Variants in FAM174A observed in about 807,000 individuals in gnomAD.
The protein encoded by FAM174A is family with sequence similarity 174 member A.
In FAM174A, 14 loss-of-function variants were observed where a neutral mutation model predicts 14.3. That is an observed-to-expected ratio of 0.98 (90% CI 0.65 to 1.53). The LOEUF is 1.53. FAM174A is among the 40% of genes most tolerant of loss of function. FAM174A has a pLI of 0.00. For missense variants in FAM174A, 241 were observed against 249.6 expected (o/e 0.97, Z 0.23); for synonymous variants, 108 against 111.4 (o/e 0.97, Z 0.19).
chr5:100,583,007 A>G (rs944706902), intron 2 of FAM174A, among the ~76,000 whole-genome samples: 1 of 152,228 alleles, frequency 6.6e-6, no homozygotes, highest in Non-Finnish European at 1.5e-5. Context: ...TATCATGAAC[A>G]GTCAATTAAC....
At chr5:100,537,993 C>T (rs1213994035) in intron 1 of FAM174A, among the ~76,000 whole-genome samples, 3 of 151,968 alleles carry the variant, frequency 2.0e-5, no homozygotes, top group African/African-American at 7.3e-5. Context: ...CAATATGATC[C>T]TATTGGATGA....
intron 1 of FAM174A, among the ~76,000 whole-genome samples, chr5:100,549,283 G>A (rs1465423836): frequency 6.6e-6 from 1 of 152,038 alleles, no homozygotes; most frequent in Non-Finnish European, 1.5e-5. Context: ...TAGAAATGGA[G>A]GTCAGAAGAA....
chr5:100,547,974 T>G (rs891154510), intron 1 of FAM174A, among the ~76,000 whole-genome samples: 3 of 152,042 alleles, frequency 2.0e-5, no homozygotes, highest in African/African-American at 7.2e-5. Context: ...AATATTCTGC[T>G]CTCACTCAAT....
intron 2 of FAM174A, among the ~76,000 whole-genome samples, chr5:100,571,515 T>A (rs959356208): frequency 1.3e-5 from 2 of 150,238 alleles, no homozygotes; most frequent in Non-Finnish European, 3.0e-5. Context: ...ACATAACTGC[T>A]TTTCCTTGTG....
At chr5:100,555,548 G>A (rs1238524185) in intron 1 of FAM174A, among the ~76,000 whole-genome samples, 1 of 152,000 alleles carries the variant, frequency 6.6e-6, no homozygotes, top group African/African-American at 2.4e-5. Flanking sequence ...CCCACCAACA[G>A]TGTAAAAGTG....
chr5:100,561,563 T>G (rs1039769694), intron 1 of FAM174A, among the ~76,000 whole-genome samples: 1 of 151,956 alleles, frequency 6.6e-6, no homozygotes, highest in Admixed American at 6.6e-5. Flanking sequence ...CATGGGACTT[T>G]AAAAAATACT....
rs1043527592 is a variant in FAM174A at position 100,549,789 on chromosome 5, A to G, written c.435-12265A>G. On this transcript the variant is annotated intron_variant, in intron 1 of 2. Coordinates refer to ENST00000312637, the MANE Select transcript of FAM174A (RefSeq NM_198507.3). ...AGGGTTTTTTTAAAAATATGAAAAAATGCTAAAGGAATTCAAAACTACAAT... is the reference window on the plus strand; with the variant it reads ...AGGGTTTTTTTAAAAATATGAAAAAGTGCTAAAGGAATTCAAAACTACAAT... 3.3e-5 allele frequency among the ~76,000 whole-genome samples: 5 copies of G among 152,084 alleles called. No homozygotes were observed. The South Asian group carries it at 6.2e-4, about 19-fold the overall frequency.
chr5:100,548,010 G>A (rs570276727), intron 1 of FAM174A, among the ~76,000 whole-genome samples: 2 of 152,126 alleles, frequency 1.3e-5, no homozygotes, highest in East Asian at 3.9e-4. Context: ...AAGGAGGGAA[G>A]GGACTATGAA....
chr5:100,584,694 G>C (rs1747092290), intron 2 of FAM174A, among the ~76,000 whole-genome samples: 1 of 152,048 alleles, frequency 6.6e-6, no homozygotes, highest in South Asian at 2.1e-4. Context: ...TTCAATATGA[G>C]ATAAAAAAGT....
intron 2 of FAM174A, among the ~76,000 whole-genome samples, chr5:100,582,990 T>C (rs1315889991): frequency 1.3e-5 from 2 of 152,214 alleles, no homozygotes; most frequent in Non-Finnish European, 2.9e-5. Context: ...ACTGGAAGAC[T>C]TACTAATATC....
Position 100,571,830 on chromosome 5 carries a change from A to G in FAM174A, c.569+9642A>G, listed in dbSNP as rs535905562. On this transcript the variant is annotated intron_variant, in intron 2 of 2. Coordinates refer to ENST00000312637, the MANE Select transcript of FAM174A (RefSeq NM_198507.3). ...CCAAGGTTGCTACAAATACCCTGCA[A>G]TGGATACAGTAGGTTTTACAACCAT... Among the ~76,000 whole-genome samples the G allele has an allele frequency of 5.3e-5, 8 of 151,956 alleles. No homozygotes were observed. The East Asian group carries it at 1.5e-3, about 29-fold the overall frequency.
intron 2 of FAM174A, among the ~76,000 whole-genome samples, chr5:100,582,616 CA>C (rs1271140871): frequency 6.6e-6 from 1 of 151,510 alleles, no homozygotes; most frequent in Non-Finnish European, 1.5e-5. Flanking sequence ...ATTTGTATGT[CA>C]AAATATAGTT....
At chr5:100,560,481 T>G (rs895387176) in intron 1 of FAM174A, among the ~76,000 whole-genome samples, 1 of 152,088 alleles carries the variant, frequency 6.6e-6, no homozygotes, top group Non-Finnish European at 1.5e-5. Flanking sequence ...TTCCATCACT[T>G]TAGACGTGTA....
intron 2 of FAM174A, among the ~76,000 whole-genome samples, chr5:100,583,390 A>G (rs985131480): frequency 6.6e-6 from 1 of 152,242 alleles, no homozygotes; most frequent in Non-Finnish European, 1.5e-5. Flanking sequence ...TTTAGTGTCC[A>G]TATCATAGAA....
intron 1 of FAM174A, among the ~76,000 whole-genome samples, chr5:100,545,871 A>G (rs1746155456): frequency 6.6e-6 from 1 of 152,180 alleles, no homozygotes; most frequent in Non-Finnish European, 1.5e-5. Context: ...AATTGTTTAA[A>G]GGAACTATTA....
intron 1 of FAM174A, among the ~76,000 whole-genome samples, chr5:100,561,412 G>A (rs1221986147): frequency 6.6e-6 from 1 of 151,902 alleles, no homozygotes; most frequent in Non-Finnish European, 1.5e-5. Context: ...CTGTGATTCT[G>A]CTGATCCAGA....
At chr5:100,574,855 G>A (rs1469853575) in intron 2 of FAM174A, among the ~76,000 whole-genome samples, 1 of 152,168 alleles carries the variant, frequency 6.6e-6, no homozygotes, top group Non-Finnish European at 1.5e-5. Context: ...CAGTAGGAGT[G>A]ATTGTGACAG....
intron 1 of FAM174A, among the ~76,000 whole-genome samples, chr5:100,548,611 C>T (rs1052098789): frequency 3.9e-5 from 6 of 152,030 alleles, no homozygotes; most frequent in African/African-American, 1.2e-4. Flanking sequence ...TCAGCTTACT[C>T]GTGTATGAAT....
intron 1 of FAM174A, among the ~76,000 whole-genome samples, chr5:100,554,616 T>C (rs1037563278): frequency 6.6e-6 from 1 of 151,198 alleles, no homozygotes; most frequent in Admixed American, 6.6e-5. Flanking sequence ...GGACTATTTT[T>C]CTATTTCTAC....
Sources: allele counts gnomAD v4.1 joint callset (sites outside exome capture counted in the v4.1 genomes callset), GRCh38; gene constraint gnomAD v4.1.1; transcripts MANE v1.5; gene names NCBI Gene and HGNC (gene_info 2026-07-23, HGNC 2026-07-21).